Variants in RPS14 observed in about 807,000 individuals in gnomAD.
RPS14 encodes the protein ribosomal protein S14.
Under a neutral mutation model 15.4 loss-of-function variants are expected in RPS14, and 1 was observed. The ratio of observed to expected loss-of-function variants is 0.07; its 90% CI spans 0.02 to 0.31. The LOEUF is 0.31. Ranked by LOEUF, RPS14 falls within the 10% of genes least tolerant of loss-of-function variation. RPS14 has a pLI of 1.00. For synonymous variants in RPS14, 68 were observed against 74.4 expected (o/e 0.91, Z 0.44); for missense variants, 69 against 205.5 (o/e 0.34, Z 4.06).
At chr5:150,447,912 G>C (rs1205426732) in intron 1 of RPS14, 177 bp from the exon 2 acceptor site, 2 of 678,638 alleles carry the variant, frequency 2.9e-6, no homozygotes, top group Admixed American at 3.0e-5. Context: ...TGCACTTGGG[G>C]GGGTATCAAC....
In RPS14 at chr5:150,443,738, T is replaced by C. The variant is rs1771007505; in HGVS notation, c.*548A>G. On this transcript the variant is annotated 3_prime_UTR_variant, in exon 5 of 5. Coordinates refer to ENST00000407193, the MANE Select transcript of RPS14 (RefSeq NM_005617.4). ...CAAGCTTCCGGAAAGCAAGAACTTT[T>C]CTTTTTTATCGCTGATGAAAATAGG... 6.6e-6 allele frequency: 1 copy of C among 152,248 alleles called. No homozygotes were observed. The highest frequency in any genetic ancestry group is 1.5e-5 in the Non-Finnish European group (1 of 68,074). 9.4% of individuals were successfully genotyped at this position (152,248 alleles called of 1,614,324 possible).
chr5:150,445,322 A>G (rs1771060160), intron 4 of RPS14: 2 of 565,260 alleles, frequency 3.5e-6, no homozygotes, highest in Admixed American at 3.1e-5. Flanking sequence ...GCTAATAGCA[A>G]TGACCTCAAG....
At chr5:150,445,439 A>G in intron 4 of RPS14, 170 bp downstream of exon 4, 2 of 718,816 alleles carry the variant, frequency 2.8e-6, no homozygotes, top group Non-Finnish European at 5.2e-6. Flanking sequence ...TGACAGAGAT[A>G]TTCAGGGAGA....
intron 1 of RPS14, chr5:150,448,328 T>C (rs1156630497): frequency 6.6e-6 from 1 of 152,342 alleles, no homozygotes; most frequent in Non-Finnish European, 1.5e-5. Flanking sequence ...CTAAAATATA[T>C]CCAAAAGGCA....
chr5:150,445,156 C>A (rs1771055728), intron 4 of RPS14, among the ~76,000 whole-genome samples: 2 of 152,064 alleles, frequency 1.3e-5, no homozygotes, highest in South Asian at 2.1e-4. Context: ...CTGTAAGGAG[C>A]CAGGAGATCA....
chr5:150,447,960 T>C (rs573062947), intron 1 of RPS14: 4 of 506,276 alleles, frequency 7.9e-6, no homozygotes, highest in Admixed American at 3.4e-5. Flanking sequence ...AAGTATCCTT[T>C]CCCCAGAAAC....
chr5:150,444,955 G>GA (rs1470870933), intron 4 of RPS14, among the ~76,000 whole-genome samples: 1 of 152,092 alleles, frequency 6.6e-6, no homozygotes, highest in Non-Finnish European at 1.5e-5. Flanking sequence ...CCCACGAGGC[G>GA]AAATTTACAG....
intron 4 of RPS14, chr5:150,444,668 G>A (rs546973290): frequency 1.8e-6 from 1 of 553,328 alleles, no homozygotes; most frequent in East Asian, 4.3e-5. Context: ...TTTTAGACAG[G>A]GTAACTGCAA....
At chr5:150,444,573 C>T in intron 4 of RPS14, 1 of 674,830 alleles carries the variant, frequency 1.5e-6, no homozygotes, top group Non-Finnish European at 2.7e-6. Flanking sequence ...GGGAAACAGG[C>T]TGAGCTGTGC....
chr5:150,444,365 A>T lies in RPS14; in HGVS notation c.389-12T>A, dbSNP rs1362913765. ...GGGGGTGACATCCTCTGTGGGGAGG[A>T]AGAGAAAGCGTCATTGCCTGGAGCT... is the stretch of plus-strand genomic sequence containing the variant. On this transcript the variant is annotated splice_polypyrimidine_tract_variant and intron_variant, in intron 4 of 4. Transcript: ENST00000407193. 13 of 1,605,702 alleles carry T rather than the reference A, an allele frequency of 8.1e-6. No individual in the cohort carries two copies. The highest frequency in any genetic ancestry group is 1.1e-5 in the Non-Finnish European group (13 of 1,174,332).
chr5:150,444,401 G>A, intron 4 of RPS14, 48 bp from the exon 5 acceptor site: 2 of 1,551,062 alleles, frequency 1.3e-6, no homozygotes, highest in Non-Finnish European at 1.8e-6. Flanking sequence ...GGATGGGAAG[G>A]GCCCCCAGGA....
At position 150,445,548 on chromosome 5, in the gene RPS14, G is replaced by A. The variant is rs371152090; in HGVS notation, c.388+61C>T. On this transcript the variant is annotated intron_variant, in intron 4 of 4. Coordinates refer to ENST00000407193, the MANE Select transcript of RPS14 (RefSeq NM_005617.4). ...GCTGCACATCCACTGGGCACAGCAC[G>A]TGCTTTTTGGGGCCAATGCTTCAAA... The A allele has an allele frequency of 1.6e-4, 242 of 1,497,326 alleles. No homozygotes were observed. The African/African-American group carries it at 2.6e-3, about 16-fold the overall frequency. 92.8% of individuals were successfully genotyped at this position (1,497,326 alleles called of 1,614,324 possible).
intron 2 of RPS14, 172 bp from the exon 3 acceptor site, chr5:150,447,135 G>A: frequency 1.6e-6 from 1 of 639,408 alleles, no homozygotes; most frequent in Non-Finnish European, 2.7e-6. Flanking sequence ...GCTATACTCA[G>A]TATTAACATT....
chr5:150,447,032 G>T lies in RPS14; in HGVS notation c.150-69C>A, dbSNP rs191714545. 13 of 1,557,576 alleles carry T rather than the reference G, an allele frequency of 8.3e-6. No homozygotes were observed. The African/African-American group carries it at 1.3e-4, about 16-fold the overall frequency. On this transcript the variant is annotated intron_variant, in intron 2 of 4. Coordinates refer to ENST00000407193, the MANE Select transcript of RPS14 (RefSeq NM_005617.4). ...GAGTGCTTACGATATCCTAATGAGTGAAGAGCAACACAGCTCAGTCATGGT... is the reference window on the plus strand; with the variant it reads ...GAGTGCTTACGATATCCTAATGAGTTAAGAGCAACACAGCTCAGTCATGGT...
intron 1 of RPS14, 62 bp from the exon 2 acceptor site, chr5:150,447,797 CT>C (rs1771147204): frequency 2.6e-6 from 4 of 1,561,856 alleles, no homozygotes; most frequent in Non-Finnish European, 3.5e-6. Flanking sequence ...TCCCTTTCCC[CT>C]GGCTATTAAA....
intron 1 of RPS14, chr5:150,448,091 G>A: frequency 4.9e-6 from 1 of 205,022 alleles, no homozygotes; most frequent in Non-Finnish European, 1.0e-5. Flanking sequence ...CCCATGTACT[G>A]GTACCATTCC....
chr5:150,443,769 G>A lies in RPS14; in HGVS notation c.*517C>T, dbSNP rs1049357068. The A allele has an allele frequency of 1.3e-5, 2 of 152,176 alleles. No homozygotes were observed. Among genetic ancestry groups the A allele is most frequent in the African/African-American group, 4.8e-5 (2 of 41,438 alleles). 9.4% of individuals were successfully genotyped at this position (152,176 alleles called of 1,614,324 possible). A position where few individuals can be genotyped will look rare whatever the true frequency, so the allele number is the denominator to read the frequency against. ...TTATCGCTGATGAAAATAGGACTTG[G>A]TGTGTATTTGTGGGGTGACAATCTT... On this transcript the variant is annotated 3_prime_UTR_variant, in exon 5 of 5. Coordinates refer to ENST00000407193, the MANE Select transcript of RPS14 (RefSeq NM_005617.4).
chr5:150,447,962 C>T, intron 1 of RPS14: 1 of 505,562 alleles, frequency 2.0e-6, no homozygotes, highest in African/African-American at 1.9e-5. Context: ...GTATCCTTTC[C>T]CCAGAAACTA....
At position 150,444,131 on chromosome 5, in the gene RPS14, G is replaced by A. The variant is rs1199695910; in HGVS notation, c.*155C>T. ...GAAAAGACCCCAAATGCAGCACCAG[G>A]ATCTCAGCTCTCCTCAGGCTCCTTT... On this transcript the variant is annotated 3_prime_UTR_variant, in exon 5 of 5. Transcript: ENST00000407193. The A allele has an allele frequency of 1.0e-5, 12 of 1,158,550 alleles. No individual in the cohort carries two copies. The highest frequency in any genetic ancestry group is 1.4e-5 in the Non-Finnish European group (12 of 861,134). 71.8% of individuals were successfully genotyped at this position (1,158,550 alleles called of 1,614,324 possible).
Sources: gnomAD v4.1 joint callset for allele counts (sites outside exome capture counted in the v4.1 genomes callset) on GRCh38, gnomAD v4.1.1 for gene constraint, MANE v1.5 for transcripts, NCBI Gene and HGNC (gene_info 2026-07-23, HGNC 2026-07-21) for gene names.